Variants in DUSP22 observed in about 807,000 individuals in gnomAD.
DUSP22 encodes dual specificity protein phosphatase 22.
Under a neutral mutation model 24.5 loss-of-function variants are expected in DUSP22, and 24 were observed. The ratio of observed to expected loss-of-function variants is 0.98; its 90% CI spans 0.71 to 1.38. The LOEUF is 1.38. Ranked by LOEUF, DUSP22 falls within the 40% of genes most tolerant of loss-of-function variation. The pLI is 0.00. For missense variants in DUSP22, 330 were observed against 269.2 expected (o/e 1.23, Z -1.58); for synonymous variants, 160 against 106.4 (o/e 1.50, Z -3.10).
rs1411343137 is a variant in DUSP22, at chr6:336,093, A to G, written c.188+930A>G. Among the ~76,000 whole-genome samples the G allele has an allele frequency of 4.6e-5, 7 of 152,216 alleles. No homozygotes were observed. The East Asian group carries it at 1.2e-3, about 25-fold the overall frequency. ...GGCTGTATAGAAGGGACCTGGAAAT[A>G]TCATGATGTGGAGTAGATTACAGTT... On this transcript the variant is annotated intron_variant, in intron 4 of 6. Transcript: ENST00000419235.
Position 350,954 on chromosome 6 carries a change from C to T in DUSP22, c.*2003C>T. 6.4e-7 allele frequency: 1 copy of T among 1,559,428 alleles called. No individual in the cohort carries two copies. The highest frequency in any genetic ancestry group is 8.8e-7 in the Non-Finnish European group (1 of 1,134,476). ...GAAAAGCAACATAGAGTTTAAGTAT[C>T]CAGTAGTGATTTGTAAACTTGTTTT... On this transcript the variant is annotated 3_prime_UTR_variant, in exon 7 of 7. Coordinates refer to ENST00000419235, the MANE Select transcript of DUSP22 (RefSeq NM_001286555.3).
chr6:322,841 G>T (rs368236935), intron 3 of DUSP22, among the ~76,000 whole-genome samples: 1 of 144,530 alleles, frequency 6.9e-6, no homozygotes, highest in South Asian at 2.3e-4. Context: ...GGGGCGGGGG[G>T]GGGCCTTCGA....
Position 351,203 on chromosome 6 carries a change from T to C in DUSP22, c.*2252T>C, listed in dbSNP as rs570689007. 6.2e-4 allele frequency: 230 copies of C among 369,818 alleles called. No homozygotes were observed. Among genetic ancestry groups the C allele is most frequent in the African/African-American group, 4.4e-3 (213 of 48,826 alleles). 22.9% of individuals were successfully genotyped at this position (369,818 alleles called of 1,614,324 possible). ...CTCCCAAGGACGAGCCCAGTGTAGT[T>C]GTGTGGCGTGAACTCTGCCCGTGTG... On this transcript the variant is annotated 3_prime_UTR_variant, in exon 7 of 7. Coordinates refer to ENST00000419235, the MANE Select transcript of DUSP22 (RefSeq NM_001286555.3).
At chr6:331,918 C>G (rs1215169585) in intron 3 of DUSP22, among the ~76,000 whole-genome samples, 3 of 152,308 alleles carry the variant, frequency 2.0e-5, no homozygotes, top group Non-Finnish European at 4.4e-5. Context: ...CGTCCTGTTG[C>G]AGTGGCCAGG....
Position 350,438 on chromosome 6 carries a change from C to A in DUSP22, c.*1487C>A. ...CCTCTCCCTAAAAAGATGTTGCAAC[C>A]CAGTTTCTCTGAATTCCACCACAAA... On this transcript the variant is annotated 3_prime_UTR_variant, in exon 7 of 7. Coordinates refer to ENST00000419235, the MANE Select transcript of DUSP22 (RefSeq NM_001286555.3). The A allele has an allele frequency of 8.9e-7, 1 of 1,125,158 alleles. No individual in the cohort carries two copies. Among genetic ancestry groups the A allele is most frequent in the Non-Finnish European group, 1.1e-6 (1 of 915,854 alleles). The allele number at this position is 1,125,158 out of a possible 1,614,324, so 69.7% of individuals were successfully genotyped here. A position where few individuals can be genotyped will look rare whatever the true frequency, so the allele number is the denominator to read the frequency against.
At chr6:326,531 G>T (rs1355366558) in intron 3 of DUSP22, among the ~76,000 whole-genome samples, 5 of 112,360 alleles carry the variant, frequency 4.4e-5, no homozygotes, top group Admixed American at 8.2e-5. Flanking sequence ...CCGCGTCCTG[G>T]TGTGTGCAGT....
intron 4 of DUSP22, among the ~76,000 whole-genome samples, chr6:345,480 G>A (rs1485271098): frequency 3.3e-5 from 5 of 152,304 alleles, no homozygotes; most frequent in African/African-American, 4.8e-5. Flanking sequence ...AAATTGCTGG[G>A]ATTACAGGCG....
At chr6:308,993 G>GT (rs1757948987) in intron 2 of DUSP22, among the ~76,000 whole-genome samples, 2 of 152,306 alleles carry the variant, frequency 1.3e-5, no homozygotes, top group African/African-American at 4.8e-5. Flanking sequence ...GGCTTTGTCT[G>GT]TTTCACTGCT....
chr6:320,247 C>T (rs1758527622), intron 3 of DUSP22: 1 of 152,660 alleles, frequency 6.6e-6, no homozygotes, highest in Admixed American at 6.5e-5. Flanking sequence ...ACTGACCAGC[C>T]TCTCCTTACA....
At chr6:347,749 C>T (rs1404255603) in intron 5 of DUSP22, among the ~76,000 whole-genome samples, 1 of 152,306 alleles carries the variant, frequency 6.6e-6, no homozygotes, top group Non-Finnish European at 1.5e-5. Context: ...CGCGTAGGCC[C>T]TGGAAGCCTC....
At chr6:348,693 G>C in intron 6 of DUSP22, 76 bp from the exon 7 acceptor site, 1 of 1,590,210 alleles carries the variant, frequency 6.3e-7, no homozygotes, top group Non-Finnish European at 8.6e-7. Context: ...CTGTGGTGAA[G>C]TCACAGGTGC....
intron 3 of DUSP22, among the ~76,000 whole-genome samples, chr6:328,305 G>A (rs879585769): frequency 6.6e-6 from 1 of 152,304 alleles, no homozygotes; most frequent in African/African-American, 2.4e-5. Context: ...TGGTGAGACG[G>A]AGCTAGAGTG....
chr6:350,984 T>A lies in DUSP22; in HGVS notation c.*2033T>A. 1 of 1,426,016 alleles carries A rather than the reference T, an allele frequency of 7.0e-7. No individual in the cohort carries two copies. The highest frequency in any genetic ancestry group is 9.8e-7 in the Non-Finnish European group (1 of 1,019,132). The allele number at this position is 1,426,016 out of a possible 1,614,324, so 88.3% of individuals were successfully genotyped here. Reference sequence around the variant, plus strand: ...AGTGATTTGTAAACTTGTTTTTCATTTGAAGCTGAATATATACGTAGTCAT... The same window carrying A: ...AGTGATTTGTAAACTTGTTTTTCATATGAAGCTGAATATATACGTAGTCAT... On this transcript the variant is annotated 3_prime_UTR_variant, in exon 7 of 7. Coordinates refer to ENST00000419235, the MANE Select transcript of DUSP22 (RefSeq NM_001286555.3).
At chr6:319,113 A>G (rs1758468387) in intron 3 of DUSP22, among the ~76,000 whole-genome samples, 1 of 152,270 alleles carries the variant, frequency 6.6e-6, no homozygotes, top group Non-Finnish European at 1.5e-5. Context: ...GGAGGGAAGG[A>G]TGATTCCCAC....
intron 1 of DUSP22, among the ~76,000 whole-genome samples, chr6:297,924 A>T (rs1757416102): frequency 6.6e-6 from 1 of 152,310 alleles, no homozygotes; most frequent in Admixed American, 6.5e-5. Flanking sequence ...TATTGAACAC[A>T]GTCAAGACAC....
chr6:296,916 TCCTC>T (rs1757360680), intron 1 of DUSP22, among the ~76,000 whole-genome samples: 1 of 152,308 alleles, frequency 6.6e-6, no homozygotes, highest in African/African-American at 2.4e-5. Context: ...GCCTCTTCCT[TCCTC>T]CCTGCTGTGT....
chr6:295,613 A>G (rs1757287504), intron 1 of DUSP22, among the ~76,000 whole-genome samples: 1 of 151,970 alleles, frequency 6.6e-6, no homozygotes, highest in Non-Finnish European at 1.5e-5. Context: ...TGTTTCTACC[A>G]AAAATACAAA....
chr6:333,829 T>C (rs948715619), intron 3 of DUSP22, among the ~76,000 whole-genome samples: 1 of 152,300 alleles, frequency 6.6e-6, no homozygotes, highest in Non-Finnish European at 1.5e-5. Context: ...TAGCTGCCGA[T>C]CCGACTCCTG....
At chr6:314,382 C>T (rs1396451435) in intron 3 of DUSP22, among the ~76,000 whole-genome samples, 5 of 152,282 alleles carry the variant, frequency 3.3e-5, no homozygotes, top group Admixed American at 1.3e-4. Flanking sequence ...CTGCTACATC[C>T]ATGCAGGTGT....
Sources: gnomAD v4.1 joint callset for allele counts (sites outside exome capture counted in the v4.1 genomes callset) on GRCh38, gnomAD v4.1.1 for gene constraint, MANE v1.5 for transcripts, NCBI Gene and HGNC (gene_info 2026-07-23, HGNC 2026-07-21) for gene names.